MMADHC: variants seen among roughly 807,000 people sequenced by gnomAD.
MMADHC encodes the protein cobalamin trafficking protein CblD.
Under a neutral mutation model 36.3 loss-of-function variants are expected in MMADHC, and 23 were observed. That is an observed-to-expected ratio of 0.63 (90% CI 0.46 to 0.90). The LOEUF is 0.90. Ranked by LOEUF, MMADHC falls within the 40% of genes least tolerant of loss-of-function variation. The probability of loss-of-function intolerance (pLI) is 0.00; values close to 1 mark genes in which losing one functional copy is unlikely to be tolerated. For missense variants in MMADHC, 330 were observed against 348.0 expected (o/e 0.95, Z 0.41); for synonymous variants, 97 against 116.1 (o/e 0.84, Z 1.06).
At chr2:149,571,779 C>G (rs1472557973) in intron 6 of MMADHC, among the ~76,000 whole-genome samples, 1 of 57,610 alleles carries the variant, frequency 1.7e-5, no homozygotes, top group Non-Finnish European at 4.2e-5. Flanking sequence ...GACTCCATCT[C>G]AAAAAAAAAA....
chr2:149,574,142 T>C (rs984889991), intron 6 of MMADHC, among the ~76,000 whole-genome samples: 1 of 152,190 alleles, frequency 6.6e-6, no homozygotes, highest in African/African-American at 2.4e-5. Context: ...AGAACTATAC[T>C]GGAGTCAGTA....
intron 4 of MMADHC, 40 bp from the exon 5 acceptor site, chr2:149,576,582 T>C: frequency 2.2e-6 from 3 of 1,356,902 alleles, no homozygotes; most frequent in Non-Finnish European, 3.2e-6. Flanking sequence ...AATCTGGAGT[T>C]CAAATAAAAC....
chr2:149,587,742 G>A lies in MMADHC; in HGVS notation c.-131C>T, dbSNP rs1207971023. ...AAATGGCGGCGGCGACGGCAGCGGT[G>A]GTAGCACCTACGCTGGCGGTGAGCA... On this transcript the variant is annotated 5_prime_UTR_variant, in exon 1 of 8. Transcript: ENST00000303319. 1 of 153,162 alleles carries A rather than the reference G, an allele frequency of 6.5e-6. No individual in the cohort carries two copies. The highest frequency in any genetic ancestry group is 1.5e-5 in the Non-Finnish European group (1 of 68,614). The allele number at this position is 153,162 out of a possible 1,614,324, so 9.5% of individuals were successfully genotyped here.
chr2:149,579,231 T>G (rs143944914), intron 4 of MMADHC, among the ~76,000 whole-genome samples, 200 bp downstream of exon 4: 101 of 152,202 alleles, frequency 6.6e-4, no homozygotes, highest in African/African-American at 2.2e-3. Context: ...TATTATAATC[T>G]ACAGTAAAAA....
At chr2:149,579,227 A>C (rs1682759145) in intron 4 of MMADHC, among the ~76,000 whole-genome samples, 1 of 152,144 alleles carries the variant, frequency 6.6e-6, no homozygotes, top group South Asian at 2.1e-4. Context: ...AAAATATTAT[A>C]ATCTACAGTA....
At chr2:149,582,323 T>C (rs1349939983) in intron 2 of MMADHC, 52 bp from the exon 3 acceptor site, 3 of 1,581,550 alleles carry the variant, frequency 1.9e-6, no homozygotes, top group Non-Finnish European at 1.7e-6. Context: ...AATGTTATAC[T>C]TACATAGACA....
chr2:149,584,507 C>T (rs932672483), intron 2 of MMADHC, among the ~76,000 whole-genome samples: 1 of 152,004 alleles, frequency 6.6e-6, no homozygotes, highest in African/African-American at 2.4e-5. Context: ...TTTCAAAAAT[C>T]GCCTATTATT....
At chr2:149,583,952 T>A (rs1024837753) in intron 2 of MMADHC, among the ~76,000 whole-genome samples, 2 of 152,200 alleles carry the variant, frequency 1.3e-5, no homozygotes, top group Non-Finnish European at 2.9e-5. Flanking sequence ...AGCAAATTCT[T>A]ACTTTTTCTT....
intron 6 of MMADHC, among the ~76,000 whole-genome samples, chr2:149,572,616 G>A (rs1682660906): frequency 6.6e-6 from 1 of 152,118 alleles, no homozygotes; most frequent in Admixed American, 6.5e-5. Context: ...TGGAGCTGAG[G>A]AGATAGAAAG....
At chr2:149,578,972 T>C (rs1682755738) in intron 4 of MMADHC, among the ~76,000 whole-genome samples, 1 of 149,426 alleles carries the variant, frequency 6.7e-6, no homozygotes, top group Non-Finnish European at 1.5e-5. Context: ...AAAATAAACT[T>C]ATGAAACTGG....
In MMADHC at chr2:149,576,550, G is replaced by A. The variant is rs766361763; in HGVS notation, c.373-8C>T. ...AACAGGTGCATCATTACCCTAAGGG[G>A]AACAAGGATATAAGTCAACAAAATC... is the stretch of plus-strand genomic sequence containing the variant. On this transcript the variant is annotated splice_region_variant and splice_polypyrimidine_tract_variant and intron_variant, in intron 4 of 7. Coordinates refer to ENST00000303319, the MANE Select transcript of MMADHC (RefSeq NM_015702.3). The A allele has an allele frequency of 1.3e-6, 2 of 1,582,728 alleles. No homozygotes were observed. Among genetic ancestry groups the A allele is most frequent in the East Asian group, 2.2e-5 (1 of 44,642 alleles).
chr2:149,570,305 A>C, intron 7 of MMADHC, 137 bp from the exon 8 acceptor site: 1 of 742,440 alleles, frequency 1.3e-6, no homozygotes, highest in South Asian at 1.7e-5. Flanking sequence ...CACATGCAAC[A>C]CTTAAACCGC....
Position 149,582,225 on chromosome 2 carries a change from C to A in MMADHC, c.56G>T (p.Cys19Phe). The A allele has an allele frequency of 6.2e-7, 1 of 1,613,850 alleles. No individual in the cohort carries two copies. The highest frequency in any genetic ancestry group is 8.5e-7 in the Non-Finnish European group (1 of 1,179,838). ...ATTGACAACCCTTTTAACTAAAGAG[C>A]AAAATCCTGGGAGATAGGAAACCAG... is the stretch of plus-strand genomic sequence containing the variant. ...ARLVSYLPGF[C>F]SLVKRVVNPK... is the part of the protein sequence containing the mutation. Residue 19 changes from cysteine to phenylalanine, a missense_variant, in exon 3 of 8, where the codon TGC (cysteine) becomes TTC (phenylalanine). Cys to Phe is a radical substitution (Grantham distance 205). Coordinates refer to ENST00000303319, the MANE Select transcript of MMADHC (RefSeq NM_015702.3).
intron 6 of MMADHC, among the ~76,000 whole-genome samples, chr2:149,573,391 C>G (rs1486183637): frequency 6.6e-6 from 1 of 152,206 alleles, no homozygotes; most frequent in African/African-American, 2.4e-5. Flanking sequence ...CAATCTGCTT[C>G]TTGTTTCCTA....
chr2:149,582,143 A>G lies in MMADHC; in HGVS notation c.138T>C (p.Ala46=), dbSNP rs1323778038. The change falls in exon 3 of 8, where the codon GCT becomes GCC. Residue 46 remains alanine (A), a synonymous_variant. Coordinates refer to ENST00000303319, the MANE Select transcript of MMADHC (RefSeq NM_015702.3). ...SSGSDESHVA[A]APPDICSRTV... ...TTCACTTACATATATCTGGAGGTGC[A>G]GCAGCCACATGAGACTCATCCGAAC... 3.7e-6 allele frequency: 6 copies of G among 1,613,964 alleles called. No homozygotes were observed. Among genetic ancestry groups the G allele is most frequent in the Non-Finnish European group, 5.1e-6 (6 of 1,179,862 alleles).
Position 149,576,466 on chromosome 2 carries a change from A to G in MMADHC, c.449T>C (p.Ile150Thr). 6.2e-7 allele frequency: 1 copy of G among 1,613,196 alleles called. No individual in the cohort carries two copies. The change falls in exon 5 of 8, where the codon ATA (isoleucine) becomes ACA (threonine). Residue 150 changes from isoleucine (I) to threonine (T), a missense_variant. Coordinates refer to ENST00000303319, the MANE Select transcript of MMADHC (RefSeq NM_015702.3). ...TCGCAGCAATTCTGGACATGTCTGT[A>G]TTGCACACTCTACTCTGGCACTTTC... ...YFESARVECA[I>T]QTCPELLRKD... is the part of the protein sequence containing the mutation.
In MMADHC at chr2:149,579,429, A is replaced by G; in HGVS notation, c.372+2T>C. ...GCACAATAAATGTTACCAACAATTT[A>G]CCTGAAATTCATTCACATATTGTGC... is the stretch of plus-strand genomic sequence containing the variant. On this transcript the variant is annotated splice_donor_variant, in intron 4 of 7. Transcript: ENST00000303319. LOFTEE classifies it high-confidence loss of function. 3.7e-6 allele frequency: 6 copies of G among 1,607,604 alleles called. No homozygotes were observed. The highest frequency in any genetic ancestry group is 5.1e-6 in the Non-Finnish European group (6 of 1,175,862).
At chr2:149,579,016 T>C (rs1427317569) in intron 4 of MMADHC, among the ~76,000 whole-genome samples, 1 of 150,070 alleles carries the variant, frequency 6.7e-6, no homozygotes, top group Middle Eastern at 3.2e-3. Flanking sequence ...ATCTGAACAA[T>C]TTCAGAGATC....
intron 3 of MMADHC, among the ~76,000 whole-genome samples, chr2:149,580,589 C>T (rs952032370): frequency 3.3e-5 from 5 of 152,156 alleles, no homozygotes; most frequent in Non-Finnish European, 5.9e-5. Flanking sequence ...GGGACAACTG[C>T]TATGCATATT....
Sources: allele counts gnomAD v4.1 joint callset (sites outside exome capture counted in the v4.1 genomes callset), GRCh38; gene constraint gnomAD v4.1.1; transcripts MANE v1.5; gene names NCBI Gene and HGNC (gene_info 2026-07-23, HGNC 2026-07-21).